The following PCBP3 variants were observed in gnomAD, a reference collection of about 807,000 sequenced individuals.
PCBP3 encodes the protein poly(rC) binding protein 3.
PCBP3 carries 25 observed loss-of-function variants against 52.7 expected under a neutral mutation model. The observed-to-expected ratio is 0.47, with a 90% CI of 0.35 to 0.66. The LOEUF (loss-of-function observed/expected upper bound fraction) is 0.66, where lower values mean the gene tolerates loss of function less well. Among genes scored for constraint, PCBP3 ranks in the 30% least tolerant of loss-of-function variants. The pLI is 0.01. For synonymous variants in PCBP3, 162 were observed against 183.0 expected, an observed-to-expected ratio of 0.89 and a Z score of 0.93; for missense variants, 391 against 490.3, an observed-to-expected ratio of 0.80 and a Z score of 1.91.
chr21:45,819,275 C>G (rs1447124276), intron 4 of PCBP3, among the ~76,000 whole-genome samples: 1 of 152,180 alleles, frequency 6.6e-6, no homozygotes, highest in African/African-American at 2.4e-5. Flanking sequence ...GTGTTTTGTG[C>G]TCAGTTTGCT....
At chr21:45,877,252 G>A (rs531551752) in intron 5 of PCBP3, among the ~76,000 whole-genome samples, 1 of 152,318 alleles carries the variant, frequency 6.6e-6, no homozygotes, top group East Asian at 1.9e-4. Context: ...CAGGGTCATC[G>A]CACTGTGTCA....
At chr21:45,644,810 C>T (rs1050403536) in intron 1 of PCBP3, among the ~76,000 whole-genome samples, 2 of 152,138 alleles carry the variant, frequency 1.3e-5, no homozygotes, top group Non-Finnish European at 1.5e-5. Context: ...CTTATAGACT[C>T]CCCCCATTTC....
At chr21:45,850,804 G>A (rs1436410363) in intron 5 of PCBP3, among the ~76,000 whole-genome samples, 1 of 152,188 alleles carries the variant, frequency 6.6e-6, no homozygotes, top group Admixed American at 6.5e-5. Context: ...TGTAACATAG[G>A]GATGTATGTG....
chr21:45,921,469 A>T (rs2074422074), intron 13 of PCBP3, among the ~76,000 whole-genome samples: 1 of 152,200 alleles, frequency 6.6e-6, no homozygotes, highest in Non-Finnish European at 1.5e-5. Context: ...TTCTGTGCCC[A>T]GTTTTAAAAA....
chr21:45,817,834 T>A lies in PCBP3; in HGVS notation c.-125-32127T>A, dbSNP rs1367856328. The stretch of plus-strand genomic sequence containing the variant: ...TTCCATTTTCAGTTGATGATATCCT[T>A]ATGAACTCAGGATTTATTTCACTTT... On this transcript the variant is annotated intron_variant, in intron 4 of 17. Coordinates refer to ENST00000681687, the MANE Select transcript of PCBP3 (RefSeq NM_001384156.1). The surrounding 1 kb of genome is among the most constrained non-coding windows in gnomAD (Gnocchi z 4.3). 6.6e-6 allele frequency among the ~76,000 whole-genome samples: 1 copy of A among 152,248 alleles called. No individual in the cohort carries two copies. Among genetic ancestry groups the A allele is most frequent in the Admixed American group, 6.5e-5 (1 of 15,290 alleles).
At chr21:45,892,235 G>C (rs1455957831) in intron 5 of PCBP3, among the ~76,000 whole-genome samples, 10 of 152,298 alleles carry the variant, frequency 6.6e-5, no homozygotes, top group Admixed American at 5.2e-4. Flanking sequence ...CATTTAACCT[G>C]TCAGAGGGTG....
At chr21:45,676,344 C>T (rs2081459217) in intron 2 of PCBP3, among the ~76,000 whole-genome samples, 1 of 151,102 alleles carries the variant, frequency 6.6e-6, no homozygotes. Context: ...ATAGGCATCA[C>T]TCATTTTATT....
intron 2 of PCBP3, among the ~76,000 whole-genome samples, chr21:45,729,123 A>G (rs1386441362): frequency 2.0e-5 from 3 of 152,080 alleles, no homozygotes; most frequent in African/African-American, 4.8e-5. Flanking sequence ...TTTTGTCTCT[A>G]TGGACTTGCC....
chr21:45,746,073 C>T lies in PCBP3; in HGVS notation c.-161-9344C>T, dbSNP rs563329997. Among the ~76,000 whole-genome samples, 129 of 127,286 alleles carry T rather than the reference C, an allele frequency of 1.0e-3. 19 individuals carry two copies. Among genetic ancestry groups the T allele is most frequent in the African/African-American group, 3.5e-3 (113 of 31,866 alleles). The allele number at this position is 127,286 out of a possible 152,430, so 83.5% of individuals were successfully genotyped here. A position where few individuals can be genotyped will look rare whatever the true frequency, so the allele number is the denominator to read the frequency against. On this transcript the variant is annotated intron_variant, in intron 3 of 17. Transcript: ENST00000681687. ...CAGCATCGCCGTGTCAGTCCACTGACGTAGCGCACACGGTGTTGTCAGCAT... is the reference window on the plus strand; with the variant it reads ...CAGCATCGCCGTGTCAGTCCACTGATGTAGCGCACACGGTGTTGTCAGCAT...
chr21:45,861,753 C>G (rs757175544), intron 5 of PCBP3, among the ~76,000 whole-genome samples: 4 of 152,202 alleles, frequency 2.6e-5, no homozygotes, highest in Non-Finnish European at 5.9e-5. Context: ...TCAGCTTGTG[C>G]CTCCTTTGGC....
At chr21:45,740,100 C>A (rs1463400738) in intron 3 of PCBP3, among the ~76,000 whole-genome samples, 3 of 148,034 alleles carry the variant, frequency 2.0e-5, no homozygotes. Flanking sequence ...TCTCAGCTGG[C>A]GTCTATGCCT....
Position 45,904,918 on chromosome 21 carries a change from G to A in PCBP3, c.339+3805G>A, listed in dbSNP as rs1225356945. Among the ~76,000 whole-genome samples, 1 of 152,070 alleles carries A rather than the reference G, an allele frequency of 6.6e-6. No homozygotes were observed. The highest frequency in any genetic ancestry group is 1.5e-5 in the Non-Finnish European group (1 of 68,026). On this transcript the variant is annotated intron_variant, in intron 9 of 17. Transcript: ENST00000681687. The surrounding 1 kb of genome is among the most constrained non-coding windows in gnomAD (Gnocchi z 4.8). ...GACTGGAGATATTCATCCAGTCTTT[G>A]TAAAGCTTTCCCACCAGTGTTGACT...
chr21:45,678,777 TA>T (rs1450049784), intron 2 of PCBP3, among the ~76,000 whole-genome samples: 20 of 151,956 alleles, frequency 1.3e-4, no homozygotes, highest in African/African-American at 4.3e-4. Context: ...AGAATATTAA[TA>T]TTACATAAGC....
At chr21:45,663,694 GC>G (rs2080570273) in intron 1 of PCBP3, among the ~76,000 whole-genome samples, 2 of 152,028 alleles carry the variant, frequency 1.3e-5, no homozygotes, top group Non-Finnish European at 2.9e-5. Flanking sequence ...TTGGTGTGTG[GC>G]TTTATTTCTG....
chr21:45,767,578 AC>A (rs2089465834), intron 4 of PCBP3, among the ~76,000 whole-genome samples: 1 of 152,206 alleles, frequency 6.6e-6, no homozygotes, highest in African/African-American at 2.4e-5. Context: ...CTCTGTGTTA[AC>A]TGACTGAGGA....
intron 1 of PCBP3, among the ~76,000 whole-genome samples, chr21:45,648,204 T>C (rs1569072937): frequency 6.6e-6 from 1 of 152,244 alleles, no homozygotes; most frequent in East Asian, 1.9e-4. Context: ...ATTAAAACAC[T>C]AAGTGTCTGG....
At position 45,835,253 on chromosome 21, in the gene PCBP3, G is replaced by A. The variant is rs80049452; in HGVS notation, c.-125-14708G>A. ...GCTCCCAGGAGTGTGGGTGGGGCCT[G>A]TTTAAACTTCATGCCCCGGGACCTG... is the stretch of plus-strand genomic sequence containing the variant. On this transcript the variant is annotated intron_variant, in intron 4 of 17. Coordinates refer to ENST00000681687, the MANE Select transcript of PCBP3 (RefSeq NM_001384156.1). 5.3e-3 allele frequency among the ~76,000 whole-genome samples: 801 copies of A among 152,302 alleles called. 4 individuals are homozygous for A. The highest frequency in any genetic ancestry group is 0.018 in the African/African-American group (749 of 41,574).
chr21:45,933,859 A>G (rs2076582267), intron 15 of PCBP3, among the ~76,000 whole-genome samples: 1 of 152,094 alleles, frequency 6.6e-6, no homozygotes, highest in African/African-American at 2.4e-5. Flanking sequence ...ATTGTGGACA[A>G]ACTGCCCCAC....
At chr21:45,754,089 A>G (rs900385048) in intron 3 of PCBP3, among the ~76,000 whole-genome samples, 1 of 152,078 alleles carries the variant, frequency 6.6e-6, no homozygotes, top group African/African-American at 2.4e-5. Flanking sequence ...GGTAAAATGT[A>G]TTTTACTTAT....
Sources: gnomAD v4.1 joint callset for allele counts (sites outside exome capture counted in the v4.1 genomes callset) on GRCh38, gnomAD v4.1.1 for gene constraint, Gnocchi (gnomAD v3.1) non-coding constraint, MANE v1.5 for transcripts, NCBI Gene and HGNC (gene_info 2026-07-23, HGNC 2026-07-21) for gene names.